Variants in PCAT7 observed in about 807,000 individuals in gnomAD.
PCAT7 encodes the protein prostate cancer associated transcript 7 (non-protein coding).
intron 2 of PCAT7, among the ~76,000 whole-genome samples, chr9:94,565,107 T>C (rs1465236636): frequency 1.6e-4 from 24 of 152,126 alleles, no homozygotes; most frequent in Admixed American, 1.6e-3. Flanking sequence ...GGCATGGTGG[T>C]TCACGCCTGT....
At chr9:94,562,668 C>T (rs183560653) in intron 2 of PCAT7, among the ~76,000 whole-genome samples, 3 of 152,226 alleles carry the variant, frequency 2.0e-5, no homozygotes, top group East Asian at 1.9e-4. Flanking sequence ...TACTTACCTA[C>T]GATTTCTGTG....
At chr9:94,558,654 G>T (rs1827045107) in intron 1 of PCAT7, 3 of 369,100 alleles carry the variant, frequency 8.1e-6, no homozygotes, top group Non-Finnish European at 1.5e-5. Flanking sequence ...CAATTATGTG[G>T]GTTGACAGAC....
At chr9:94,558,996 G>A in exon 2 of PCAT7, 3 of 1,614,104 alleles carry the variant, frequency 1.9e-6, no homozygotes, top group Non-Finnish European at 2.5e-6. Flanking sequence ...ATCCTCTGGT[G>A]ACCCCAGAAT....
intron 2 of PCAT7, chr9:94,567,611 G>T: frequency 1.8e-6 from 1 of 544,370 alleles, no homozygotes; most frequent in East Asian, 2.9e-5. Context: ...GGAAGCTCTA[G>T]CAGTAACACA....
At chr9:94,571,730 G>A in intron 2 of PCAT7, 1 of 830,674 alleles carries the variant, frequency 1.2e-6, no homozygotes. Context: ...TTAAGCTGCT[G>A]CAAATCCATC....
chr9:94,571,631 G>A (rs1827271529), intron 2 of PCAT7: 1 of 1,592,026 alleles, frequency 6.3e-7, no homozygotes, highest in African/African-American at 1.3e-5. Context: ...AATGCCATGT[G>A]TTATTGTTGT....
intron 1 of PCAT7, among the ~76,000 whole-genome samples, chr9:94,556,020 T>A: frequency 1.6e-5 from 2 of 126,018 alleles, no homozygotes; most frequent in South Asian, 2.7e-4. Flanking sequence ...AAGAGGGAGG[T>A]GAGCAGGAGT....
chr9:94,554,823 G>A (rs11790263), upstream of PCAT7, among the ~76,000 whole-genome samples: 94,338 of 152,068 alleles, frequency 0.62, 29,395 homozygotes, highest in Admixed American at 0.73. Context: ...GAAAAGTGAC[G>A]GAGCCTTCCA....
At chr9:94,563,221 C>G (rs1827134917) in intron 2 of PCAT7, 1 of 1,150,296 alleles carries the variant, frequency 8.7e-7, no homozygotes, top group Non-Finnish European at 1.2e-6. Flanking sequence ...TTTTTCCTCC[C>G]CTGCCCATCC....
chr9:94,566,547 A>T (rs1827192581), intron 2 of PCAT7, among the ~76,000 whole-genome samples: 1 of 152,222 alleles, frequency 6.6e-6, no homozygotes, highest in Non-Finnish European at 1.5e-5. Flanking sequence ...TGCTGTTAAT[A>T]AATAGGTGGG....
chr9:94,559,314 T>C (rs1471964042), intron 2 of PCAT7, among the ~76,000 whole-genome samples: 1 of 152,150 alleles, frequency 6.6e-6, no homozygotes, highest in Non-Finnish European at 1.5e-5. Context: ...ATGCATCAGA[T>C]GGCACTCATC....
At chr9:94,573,874 T>C (rs1000957324) in intron 3 of PCAT7, among the ~76,000 whole-genome samples, 2 of 152,230 alleles carry the variant, frequency 1.3e-5, no homozygotes, top group Non-Finnish European at 2.9e-5. Context: ...TTATCTTTTC[T>C]GGAAGAGACT....
chr9:94,559,663 A>G (rs942970127), intron 2 of PCAT7, among the ~76,000 whole-genome samples: 5 of 152,074 alleles, frequency 3.3e-5, no homozygotes, highest in South Asian at 2.1e-4. Flanking sequence ...CGGTGTTTCA[A>G]TGGTCTTGTC....
chr9:94,567,227 G>A lies in PCAT7; in HGVS notation n.442-5752G>A, dbSNP rs754191275. The A allele has an allele frequency of 6.2e-6, 10 of 1,610,244 alleles. No individual in the cohort carries two copies. In the Admixed American group the frequency reaches 6.7e-5, roughly 11 times the overall value. The stretch of plus-strand genomic sequence containing the variant: ...CCACCACCCAAACAGGACCCCATGG[G>A]GACAGCATTCTGTCTGCCACCCACC... On this transcript the variant is annotated intron_variant and non_coding_transcript_variant, in intron 2 of 8. Transcript: ENST00000647389.
chr9:94,562,024 T>C (rs1587835751), intron 2 of PCAT7, among the ~76,000 whole-genome samples: 1 of 152,074 alleles, frequency 6.6e-6, no homozygotes, highest in African/African-American at 2.4e-5. Flanking sequence ...AGAATTTCCA[T>C]GTCTTCGCCG....
intron 2 of PCAT7, among the ~76,000 whole-genome samples, chr9:94,572,310 C>G (rs1021317994): frequency 2.0e-5 from 3 of 152,042 alleles, no homozygotes; most frequent in South Asian, 4.1e-4. Flanking sequence ...ATTGAGTTAC[C>G]CCGTCTCCCA....
chr9:94,567,353 T>G (rs1827204645), intron 2 of PCAT7: 2 of 1,614,030 alleles, frequency 1.2e-6, no homozygotes, highest in African/African-American at 1.3e-5. Flanking sequence ...CTGTAAATCT[T>G]TCCTTTCTTC....
At position 94,561,979 on chromosome 9, in the gene PCAT7, C is replaced by T. The variant is rs573218315; in HGVS notation, n.441+2827C>T. Among the ~76,000 whole-genome samples, 4 of 152,170 alleles carry T rather than the reference C, an allele frequency of 2.6e-5. No individual in the cohort carries two copies. The South Asian group carries it at 8.3e-4, about 32-fold the overall frequency. ...GTAATAACTGATCTTTATGTTCTCC[C>T]CAATGTAACTGAGTAAGTGACCAGA... On this transcript the variant is annotated intron_variant and non_coding_transcript_variant, in intron 2 of 8. Transcript: ENST00000647389.
chr9:94,557,719 A>C (rs1827031480), intron 1 of PCAT7, among the ~76,000 whole-genome samples: 1 of 152,198 alleles, frequency 6.6e-6, no homozygotes, highest in African/African-American at 2.4e-5. Flanking sequence ...ATCATTCTTG[A>C]ATTTCTAGGT....
Sources: gnomAD v4.1 joint callset for allele counts (sites outside exome capture counted in the v4.1 genomes callset) on GRCh38, gnomAD v4.1.1 for gene constraint, MANE v1.5 for transcripts, NCBI Gene and HGNC (gene_info 2026-07-23, HGNC 2026-07-21) for gene names.